Variants in PPA1 observed in about 807,000 individuals in gnomAD.
PPA1 encodes inorganic pyrophosphatase.
A neutral mutation model predicts 41.8 loss-of-function variants in PPA1; 23 were observed. The ratio of observed to expected loss-of-function variants is 0.55; its 90% CI spans 0.40 to 0.78. The LOEUF (loss-of-function observed/expected upper bound fraction) is 0.78, where lower values mean the gene tolerates loss of function less well. Among genes scored for constraint, PPA1 ranks in the 30% least tolerant of loss-of-function variants. The pLI, the probability that PPA1 is intolerant of heterozygous loss-of-function variation, is 0.00. For missense variants in PPA1, 320 were observed against 361.6 expected, an observed-to-expected ratio of 0.89 and a Z score of 0.93; for synonymous variants, 101 against 116.8, an observed-to-expected ratio of 0.86 and a Z score of 0.87.
intron 1 of PPA1, among the ~76,000 whole-genome samples, chr10:70,232,831 A>G: frequency 6.6e-6 from 1 of 151,932 alleles, no homozygotes; most frequent in African/African-American, 2.4e-5. Context: ...CGGCGGCGGA[A>G]TTAAGGTCTT....
intron 8 of PPA1, among the ~76,000 whole-genome samples, chr10:70,208,504 T>C (rs1466352460): frequency 6.6e-6 from 1 of 151,906 alleles, no homozygotes; most frequent in African/African-American, 2.4e-5. Flanking sequence ...TTTTTTTTAA[T>C]TTTTAGTAGA....
intron 6 of PPA1, 134 bp from the exon 7 acceptor site, chr10:70,209,819 G>A (rs994368560): frequency 2.9e-6 from 3 of 1,051,894 alleles, no homozygotes; most frequent in Non-Finnish European, 4.2e-6. Flanking sequence ...TGAAAGAGCT[G>A]TGGAATGACT....
At chr10:70,224,089 G>A (rs1002178019) in intron 2 of PPA1, among the ~76,000 whole-genome samples, 4 of 152,034 alleles carry the variant, frequency 2.6e-5, no homozygotes, top group Non-Finnish European at 4.4e-5. Context: ...TATAACTTTA[G>A]CTCTTGTTCC....
chr10:70,218,767 C>T lies in PPA1; in HGVS notation c.174G>A (p.Met58Ile). The change falls in exon 3 of 11, where the codon ATG becomes ATA. Residue 58 changes from methionine to isoleucine, a missense_variant. Physicochemically the swap from Met to Ile is conservative, Grantham distance 10. Transcript: ENST00000373232. Reference sequence around the variant, plus strand: ...CAAATGTAAGGTGAAATATTACCTCCATTTTTGCATTAGACCAGCGTGGTA... The same window carrying T: ...CAAATGTAAGGTGAAATATTACCTCTATTTTTGCATTAGACCAGCGTGGTA... ...VEVPRWSNAK[M>I]EIATKDPLNP... The T allele has an allele frequency of 6.2e-7, 1 of 1,607,232 alleles. No homozygotes were observed. Among genetic ancestry groups the T allele is most frequent in the Non-Finnish European group, 8.5e-7 (1 of 1,174,112 alleles).
intron 2 of PPA1, among the ~76,000 whole-genome samples, chr10:70,229,692 CA>C (rs1308218833): frequency 1.3e-5 from 2 of 152,124 alleles, no homozygotes; most frequent in Non-Finnish European, 2.9e-5. Context: ...ATCCCACAGC[CA>C]AAATTCTGTG....
At chr10:70,223,257 C>T (rs1292936495) in intron 2 of PPA1, among the ~76,000 whole-genome samples, 4 of 151,680 alleles carry the variant, frequency 2.6e-5, no homozygotes, top group African/African-American at 9.7e-5. Context: ...CTCTGTCATC[C>T]AGACTGGAGT....
At chr10:70,204,638 T>C (rs1839916699) in intron 10 of PPA1, 3 of 417,716 alleles carry the variant, frequency 7.2e-6, no homozygotes, top group Admixed American at 8.3e-5. Flanking sequence ...ATTTCAAAAT[T>C]GCTAAGAGTA....
chr10:70,209,900 T>A (rs925081736), intron 6 of PPA1: 1 of 523,080 alleles, frequency 1.9e-6, no homozygotes. Flanking sequence ...ACATATACAT[T>A]GAAAGAAAAT....
intron 2 of PPA1, among the ~76,000 whole-genome samples, chr10:70,220,063 G>T (rs1012539884): frequency 6.7e-6 from 1 of 149,936 alleles, no homozygotes. Context: ...GAGTAGCTGG[G>T]ATAACACAGG....
At chr10:70,206,452 T>C in intron 8 of PPA1, 119 bp from the exon 9 acceptor site, 1 of 692,888 alleles carries the variant, frequency 1.4e-6, no homozygotes, top group Non-Finnish European at 2.6e-6. Flanking sequence ...AGTCGAAAGC[T>C]TTTTCACCTA....
intron 2 of PPA1, among the ~76,000 whole-genome samples, chr10:70,228,698 T>C (rs1840257992): frequency 6.6e-6 from 1 of 152,174 alleles, no homozygotes; most frequent in Non-Finnish European, 1.5e-5. Context: ...CCCTCCTGTA[T>C]TTGTGGCACA....
In PPA1 at chr10:70,217,908, G is replaced by T; in HGVS notation, c.201C>A (p.Asn67Lys). 1 of 1,588,460 alleles carries T rather than the reference G, an allele frequency of 6.3e-7. No homozygotes were observed. Among genetic ancestry groups the T allele is most frequent in the Non-Finnish European group, 8.6e-7 (1 of 1,165,756 alleles). The change falls in exon 4 of 11, where the codon AAC becomes AAA. Residue 67 changes from asparagine to lysine, a missense_variant. Asn to Lys is a moderately conservative substitution (Grantham distance 94). Transcript: ENST00000373232. ...KMEIATKDPLNPIKQDVKKGK... is the reference protein window; with the variant it reads ...KMEIATKDPLKPIKQDVKKGK... ...CTTTTTTCACATCTTGTTTAATAGG[G>T]TTTAAAGGGTCCTTTGTAGCAATCT... is the stretch of plus-strand genomic sequence containing the variant.
At position 70,223,534 on chromosome 10, in the gene PPA1, A is replaced by G. The variant is rs549855743; in HGVS notation, c.124-4717T>C. Among the ~76,000 whole-genome samples, 7 of 152,174 alleles carry G rather than the reference A, an allele frequency of 4.6e-5. No individual in the cohort carries two copies. The East Asian group carries it at 1.4e-3, about 29-fold the overall frequency. The stretch of plus-strand genomic sequence containing the variant: ...CCTGCCCAGCTCTGTACTTGTAAGG[A>G]GGGGGTGTTCCACATACTTTAGCAG... On this transcript the variant is annotated intron_variant, in intron 2 of 10. Transcript: ENST00000373232.
chr10:70,220,911 A>ACT (rs1491409876), intron 2 of PPA1, among the ~76,000 whole-genome samples: 79 of 7,350 alleles, frequency 0.011, 7 homozygotes, highest in African/African-American at 0.049. Flanking sequence ...ATTTATATAT[A>ACT]ATATATATAA....
intron 1 of PPA1, among the ~76,000 whole-genome samples, chr10:70,231,532 AC>A: frequency 6.6e-6 from 1 of 152,354 alleles, no homozygotes; most frequent in South Asian, 2.1e-4. Flanking sequence ...ATGCCACTGC[AC>A]TCCAGCCTGG....
intron 2 of PPA1, among the ~76,000 whole-genome samples, chr10:70,229,202 G>A (rs1309025510): frequency 6.6e-6 from 1 of 152,138 alleles, no homozygotes; most frequent in Non-Finnish European, 1.5e-5. Context: ...CATGTTCTTT[G>A]TAAAAAGATT....
intron 6 of PPA1, 167 bp from the exon 7 acceptor site, chr10:70,209,852 A>T (rs1374745603): frequency 1.3e-6 from 1 of 767,782 alleles, no homozygotes; most frequent in Non-Finnish European, 2.1e-6. Context: ...TCAAGATAAC[A>T]TTGGAGCGAA....
chr10:70,209,826 G>T, intron 6 of PPA1, 141 bp from the exon 7 acceptor site: 2 of 980,680 alleles, frequency 2.0e-6, no homozygotes, highest in Non-Finnish European at 3.0e-6. Flanking sequence ...GCTGTGGAAT[G>T]ACTTATCACG....
intron 1 of PPA1, among the ~76,000 whole-genome samples, chr10:70,230,848 G>A (rs1166207167): frequency 2.0e-5 from 3 of 152,176 alleles, no homozygotes; most frequent in Non-Finnish European, 4.4e-5. Context: ...TCTCCTGACT[G>A]TACTCCCAGG....
Sources: allele counts gnomAD v4.1 joint callset (sites outside exome capture counted in the v4.1 genomes callset), GRCh38; gene constraint gnomAD v4.1.1; transcripts MANE v1.5; gene names NCBI Gene and HGNC (gene_info 2026-07-23, HGNC 2026-07-21).